Variants in SHLD1 observed in about 807,000 individuals in gnomAD.
The protein encoded by SHLD1 is shieldin complex subunit 1, also known as RINN1-REV7-interacting novel NHEJ regulator 3.
In SHLD1, 3 loss-of-function variants were observed where a neutral mutation model predicts 5.5. The observed-to-expected ratio is 0.54, with a 90% confidence interval of 0.25 to 1.40. SHLD1 has a LOEUF of 1.40. Among genes scored for constraint, SHLD1 ranks in the 40% most tolerant of loss-of-function variants. The pLI, the probability that SHLD1 is intolerant of heterozygous loss-of-function variation, is 0.15. For synonymous variants in SHLD1, 92 were observed against 94.3 expected (o/e 0.98, Z 0.14); for missense variants, 210 against 244.4 (o/e 0.86, Z 0.94).
chr20:5,839,379 T>C (rs978573201), intron 2 of SHLD1, among the ~76,000 whole-genome samples: 1 of 152,232 alleles, frequency 6.6e-6, no homozygotes, highest in Admixed American at 6.5e-5. Flanking sequence ...CCTATACATA[T>C]TGATATATTT....
chr20:5,817,812 A>C (rs2087556770), intron 2 of SHLD1, among the ~76,000 whole-genome samples: 1 of 152,180 alleles, frequency 6.6e-6, no homozygotes, highest in African/African-American at 2.4e-5. Context: ...ACTCAGCTTC[A>C]GAAATTCCAG....
intron 2 of SHLD1, among the ~76,000 whole-genome samples, chr20:5,849,554 A>C (rs2087974849): frequency 6.6e-6 from 1 of 152,228 alleles, no homozygotes; most frequent in Non-Finnish European, 1.5e-5. Flanking sequence ...ACCCAGGTAT[A>C]TCAGCCCCAC....
At chr20:5,769,456 G>A (rs1019730908) in intron 1 of SHLD1, among the ~76,000 whole-genome samples, 1 of 152,192 alleles carries the variant, frequency 6.6e-6, no homozygotes, top group Non-Finnish European at 1.5e-5. Flanking sequence ...GGTGGACTAC[G>A]GACCCCCCAG....
intron 2 of SHLD1, among the ~76,000 whole-genome samples, chr20:5,782,605 A>G (rs1383457924): frequency 6.6e-6 from 1 of 152,246 alleles, no homozygotes; most frequent in Non-Finnish European, 1.5e-5. Context: ...ATTAAAGGCC[A>G]TAGCTGGCAG....
chr20:5,862,402 G>A lies in SHLD1; in HGVS notation c.179-622G>A, dbSNP rs79755179. ...GTGTCCTTGAGAACCCAGACATCCC[G>A]GAGAGAATCTGAGAACCTACCAAGG... is the stretch of plus-strand genomic sequence containing the variant. On this transcript the variant is annotated intron_variant, in intron 2 of 2. Coordinates refer to ENST00000303142, the MANE Select transcript of SHLD1 (RefSeq NM_152504.4). 2.4e-3 allele frequency among the ~76,000 whole-genome samples: 362 copies of A among 152,328 alleles called. 1 individual carries two copies. The highest frequency in any genetic ancestry group is 7.2e-3 in the African/African-American group (299 of 41,582).
At chr20:5,753,281 A>T (rs1426951579) in intron 1 of SHLD1, among the ~76,000 whole-genome samples, 3 of 152,162 alleles carry the variant, frequency 2.0e-5, no homozygotes, top group African/African-American at 4.8e-5. Flanking sequence ...GGTCTTGTTT[A>T]TAATTTGGTA....
chr20:5,776,620 G>A (rs1311053707), intron 2 of SHLD1, among the ~76,000 whole-genome samples: 6 of 151,920 alleles, frequency 3.9e-5, no homozygotes, highest in South Asian at 4.2e-4. Context: ...AAAATTAGCC[G>A]GGCGTGGTGG....
rs116819910 is a variant in SHLD1 at position 5,864,110 on chromosome 20, A to G, written c.*647A>G. On this transcript the variant is annotated 3_prime_UTR_variant, in exon 3 of 3. Coordinates refer to ENST00000303142, the MANE Select transcript of SHLD1 (RefSeq NM_152504.4). ...ATTGAAATACAGTTGAGAAAAGTATATCACATCTTGATCACACCCTTGCCT... is the reference window on the plus strand; with the variant it reads ...ATTGAAATACAGTTGAGAAAAGTATGTCACATCTTGATCACACCCTTGCCT... Among the ~76,000 whole-genome samples the G allele has an allele frequency of 1.3e-5, 2 of 152,308 alleles. No individual in the cohort carries two copies. The highest frequency in any genetic ancestry group is 4.1e-4 in the South Asian group (2 of 4,828).
intron 2 of SHLD1, among the ~76,000 whole-genome samples, chr20:5,854,369 A>G (rs1235870869): frequency 1.3e-5 from 2 of 152,166 alleles, no homozygotes; most frequent in African/African-American, 4.8e-5. Flanking sequence ...GCTTGTCTCA[A>G]ACTCCTGAAC....
chr20:5,817,971 G>T (rs551063098), intron 2 of SHLD1, among the ~76,000 whole-genome samples: 1 of 152,302 alleles, frequency 6.6e-6, no homozygotes, highest in African/African-American at 2.4e-5. Flanking sequence ...CACATCTTGC[G>T]TCCCTTCTCT....
chr20:5,850,349 G>A (rs2087992290), intron 2 of SHLD1, among the ~76,000 whole-genome samples: 1 of 151,654 alleles, frequency 6.6e-6, no homozygotes, highest in Admixed American at 6.6e-5. Flanking sequence ...TTCCTCTCTT[G>A]TAAGGATTCT....
rs558492779 is a variant in SHLD1, at chr20:5,812,350, T to C, written c.178+39307T>C. 4.6e-5 allele frequency among the ~76,000 whole-genome samples: 7 copies of C among 152,306 alleles called. No homozygotes were observed. In the South Asian group the frequency reaches 1.2e-3, roughly 27 times the overall value. Reference sequence around the variant, plus strand: ...TAGGCCACTGCTTGGAAAACTTCTATGTATCCAGTATACAATGCACTGATT... The same window carrying C: ...TAGGCCACTGCTTGGAAAACTTCTACGTATCCAGTATACAATGCACTGATT... On this transcript the variant is annotated intron_variant, in intron 2 of 2. Coordinates refer to ENST00000303142, the MANE Select transcript of SHLD1 (RefSeq NM_152504.4).
Position 5,823,432 on chromosome 20 carries a change from CTTGTTTTTTG to C in SHLD1, c.179-39579_179-39570del, listed in dbSNP as rs1332154295. On this transcript the variant is annotated intron_variant, in intron 2 of 2. Coordinates refer to ENST00000303142, the MANE Select transcript of SHLD1 (RefSeq NM_152504.4). ...GTCATAGTGCCTGGTCTAGCATAGACTTGTTTTTTGTTGTTTTTTGTTTTTTTTTTTTTGA... is the reference window on the plus strand; with the variant it reads ...GTCATAGTGCCTGGTCTAGCATAGACTTGTTTTTTGTTTTTTTTTTTTTGA... Among the ~76,000 whole-genome samples, 6 of 145,414 alleles carry C rather than the reference CTTGTTTTTTG, an allele frequency of 4.1e-5. No homozygotes were observed. In the East Asian group the frequency reaches 8.1e-4, roughly 20 times the overall value.
chr20:5,789,611 GA>G (rs1350647318), intron 2 of SHLD1, among the ~76,000 whole-genome samples: 5 of 144,538 alleles, frequency 3.5e-5, no homozygotes, highest in Non-Finnish European at 6.1e-5. Flanking sequence ...ACAAAATTGA[GA>G]AAAAAAAAAC....
At chr20:5,759,468 C>T (rs1044806324) in intron 1 of SHLD1, among the ~76,000 whole-genome samples, 3 of 152,014 alleles carry the variant, frequency 2.0e-5, no homozygotes, top group African/African-American at 7.2e-5. Flanking sequence ...ACCATGTTGG[C>T]AAGGCTGGTC....
intron 2 of SHLD1, among the ~76,000 whole-genome samples, chr20:5,841,848 G>A (rs909455084): frequency 2.0e-5 from 3 of 152,114 alleles, no homozygotes; most frequent in African/African-American, 7.2e-5. Context: ...CTTTGTCTGT[G>A]GGCCAATGGC....
At chr20:5,840,238 T>C (rs1411345487) in intron 2 of SHLD1, among the ~76,000 whole-genome samples, 3 of 152,234 alleles carry the variant, frequency 2.0e-5, no homozygotes, top group Admixed American at 2.0e-4. Flanking sequence ...TGAACAAGTT[T>C]CGTAATCTCT....
chr20:5,856,372 A>G (rs76806984), intron 2 of SHLD1, among the ~76,000 whole-genome samples: 3,155 of 152,338 alleles, frequency 0.021, 122 homozygotes, highest in African/African-American at 0.072. Context: ...TGCAGCCCAT[A>G]GGGCTGGGCT....
intron 2 of SHLD1, among the ~76,000 whole-genome samples, chr20:5,844,801 T>TA (rs1568529085): frequency 3.6e-4 from 43 of 121,024 alleles, no homozygotes; most frequent in East Asian, 9.5e-4. Flanking sequence ...ATATATATAT[T>TA]TTTTTTTTTT....
Sources: gnomAD v4.1 joint callset for allele counts (sites outside exome capture counted in the v4.1 genomes callset) on GRCh38, gnomAD v4.1.1 for gene constraint, MANE v1.5 for transcripts, NCBI Gene and HGNC (gene_info 2026-07-23, HGNC 2026-07-21) for gene names.